PPIG: variants seen among roughly 807,000 people sequenced by gnomAD.
PPIG encodes peptidyl-prolyl cis-trans isomerase G.
Under a neutral mutation model 87.9 loss-of-function variants are expected in PPIG, and 26 were observed. The ratio of observed to expected loss-of-function variants is 0.30; its 90% confidence interval spans 0.22 to 0.41. The LOEUF is 0.41. Among genes scored for constraint, PPIG ranks in the 10% least tolerant of loss-of-function variants. The pLI is 1.00. For missense variants in PPIG, 722 were observed against 879.4 expected, an observed-to-expected ratio of 0.82 and a Z score of 2.26; for synonymous variants, 308 against 276.5, an observed-to-expected ratio of 1.11 and a Z score of -1.13.
chr2:169,631,125 A>ACGCT, intron 10 of PPIG, 138 bp downstream of exon 10: 1 of 803,472 alleles, frequency 1.2e-6, no homozygotes. Flanking sequence ...TTGATATTCC[A>ACGCT]CAGTCTATAG....
chr2:169,625,591 C>T (rs1220322720), intron 9 of PPIG, among the ~76,000 whole-genome samples: 2 of 151,964 alleles, frequency 1.3e-5, no homozygotes, highest in Non-Finnish European at 2.9e-5. Flanking sequence ...TCCTTAAGAG[C>T]TATTTATGTT....
At chr2:169,586,668 G>T (rs1001778838) in intron 1 of PPIG, among the ~76,000 whole-genome samples, 1 of 152,178 alleles carries the variant, frequency 6.6e-6, no homozygotes, top group Non-Finnish European at 1.5e-5. Context: ...CAAAGGGAAA[G>T]TGGAAGCCAT....
At chr2:169,590,254 G>A (rs573039271) in intron 1 of PPIG, among the ~76,000 whole-genome samples, 2 of 152,236 alleles carry the variant, frequency 1.3e-5, no homozygotes, top group East Asian at 1.9e-4. Flanking sequence ...ATTTGATAAC[G>A]TCACTGTGTT....
intron 9 of PPIG, among the ~76,000 whole-genome samples, chr2:169,619,469 G>A (rs1685686278): frequency 6.6e-6 from 1 of 152,254 alleles, no homozygotes; most frequent in East Asian, 1.9e-4. Context: ...TGACAGTGGG[G>A]TGTTAAAGTC....
At chr2:169,601,886 T>A (rs1685193519) in intron 1 of PPIG, among the ~76,000 whole-genome samples, 1 of 147,916 alleles carries the variant, frequency 6.8e-6, no homozygotes, top group Non-Finnish European at 1.5e-5. Context: ...AAATATACAC[T>A]GGATTTCCAA....
At chr2:169,624,994 T>C (rs1685847837) in intron 9 of PPIG, among the ~76,000 whole-genome samples, 1 of 152,184 alleles carries the variant, frequency 6.6e-6, no homozygotes, top group African/African-American at 2.4e-5. Context: ...TGTATATATT[T>C]ATGGTATACA....
intron 7 of PPIG, among the ~76,000 whole-genome samples, chr2:169,609,495 A>G (rs1685428995): frequency 6.6e-6 from 1 of 152,144 alleles, no homozygotes; most frequent in South Asian, 2.1e-4. Flanking sequence ...GAAAATTGTT[A>G]TAGAGGGGAA....
At chr2:169,600,314 A>G (rs1399433715) in intron 1 of PPIG, among the ~76,000 whole-genome samples, 1 of 152,072 alleles carries the variant, frequency 6.6e-6, no homozygotes, top group Non-Finnish European at 1.5e-5. Flanking sequence ...GACTTAAGCA[A>G]TCTGCCTGCT....
intron 9 of PPIG, among the ~76,000 whole-genome samples, chr2:169,625,877 A>T (rs542700514): frequency 6.6e-6 from 1 of 152,318 alleles, no homozygotes; most frequent in East Asian, 1.9e-4. Context: ...AGGAGTGCTC[A>T]GCCTAGATCC....
At chr2:169,614,806 A>G (rs1196009197) in intron 9 of PPIG, 82 bp downstream of exon 9, 3 of 1,393,974 alleles carry the variant, frequency 2.2e-6, no homozygotes, top group Admixed American at 5.2e-5. Context: ...CATGAAATTC[A>G]TACTCAAGCT....
intron 1 of PPIG, among the ~76,000 whole-genome samples, chr2:169,595,571 AGT>A (rs1183985828): frequency 1.3e-5 from 2 of 152,054 alleles, no homozygotes; most frequent in East Asian, 3.9e-4. Context: ...TACCCTCTCA[AGT>A]GTCTAGTAAC....
At chr2:169,602,567 C>T (rs1302148248) in intron 1 of PPIG, among the ~76,000 whole-genome samples, 1 of 152,174 alleles carries the variant, frequency 6.6e-6, no homozygotes, top group Non-Finnish European at 1.5e-5. Flanking sequence ...CCGCCTCAGC[C>T]CCCCAAAGTG....
intron 1 of PPIG, among the ~76,000 whole-genome samples, chr2:169,598,641 A>T (rs186705431): frequency 6.6e-6 from 1 of 152,108 alleles, no homozygotes; most frequent in Non-Finnish European, 1.5e-5. Flanking sequence ...GATTTTAGGA[A>T]ATAGTTCTCC....
chr2:169,604,814 C>T (rs566512142), intron 4 of PPIG, among the ~76,000 whole-genome samples: 11 of 150,202 alleles, frequency 7.3e-5, no homozygotes, highest in African/African-American at 2.2e-4. Context: ...GCAGAGGTTG[C>T]GGTGAGCCGA....
At chr2:169,605,657 G>C (rs1368444034) in intron 4 of PPIG, among the ~76,000 whole-genome samples, 2 of 151,610 alleles carry the variant, frequency 1.3e-5, no homozygotes, top group Non-Finnish European at 2.9e-5. Context: ...AAATTAGCCG[G>C]GTGTGGTGAC....
chr2:169,613,012 A>G (rs1685531172), intron 7 of PPIG, among the ~76,000 whole-genome samples: 1 of 152,184 alleles, frequency 6.6e-6, no homozygotes, highest in Admixed American at 6.5e-5. Flanking sequence ...TATTTGCCAC[A>G]CTATGTGTAT....
At chr2:169,606,955 T>C in intron 5 of PPIG, 149 bp from the exon 6 acceptor site, 1 of 610,718 alleles carries the variant, frequency 1.6e-6, no homozygotes, top group Non-Finnish European at 2.9e-6. Context: ...TTGTCGTTAT[T>C]GACATTAATA....
At position 169,639,528 on chromosome 2, in the gene PPIG, T is replaced by C. The variant is rs889534577; in HGVS notation, c.*2005T>C. 1 of 152,054 alleles carries C rather than the reference T, an allele frequency of 6.6e-6. No homozygotes were observed. The highest frequency in any genetic ancestry group is 1.5e-5 in the Non-Finnish European group (1 of 67,936). The allele number at this position is 152,054 out of a possible 1,614,324, so 9.4% of individuals were successfully genotyped here. A position where few individuals can be genotyped will look rare whatever the true frequency, so the allele number is the denominator to read the frequency against. On this transcript the variant is annotated 3_prime_UTR_variant, in exon 14 of 14. Transcript: ENST00000260970. ...TTCCAAATCTTAGAGTTTCAAAAAGTAACCATAGGGAAAAAAATTGTAGTA... is the reference window on the plus strand; with the variant it reads ...TTCCAAATCTTAGAGTTTCAAAAAGCAACCATAGGGAAAAAAATTGTAGTA...
intron 1 of PPIG, among the ~76,000 whole-genome samples, chr2:169,596,050 C>T (rs1195675409): frequency 6.0e-5 from 9 of 148,966 alleles, no homozygotes; most frequent in East Asian, 2.0e-4. Flanking sequence ...ATGATCCACC[C>T]GCCTCGGCCT....
Sources: allele counts gnomAD v4.1 joint callset (sites outside exome capture counted in the v4.1 genomes callset), GRCh38; gene constraint gnomAD v4.1.1; transcripts MANE v1.5; gene names NCBI Gene and HGNC (gene_info 2026-07-23, HGNC 2026-07-21).